CCDC171: variants seen among roughly 807,000 people sequenced by gnomAD.
The protein encoded by CCDC171 is coiled-coil domain containing 171, also known as coiled-coil domain-containing protein 171.
Under a neutral mutation model 168.2 loss-of-function variants are expected in CCDC171, and 177 were observed. The observed-to-expected ratio is 1.05, with a 90% confidence interval of 0.93 to 1.19. The LOEUF (loss-of-function observed/expected upper bound fraction) is 1.19. Among genes scored for constraint, CCDC171 ranks in the 50% most tolerant of loss-of-function variants. CCDC171 has a pLI of 0.00. For missense variants in CCDC171, 1,991 were observed against 1,539.0 expected, an observed-to-expected ratio of 1.29 and a Z score of -4.91; for synonymous variants, 687 against 540.8, an observed-to-expected ratio of 1.27 and a Z score of -3.75.
chr9:15,570,236 G>C (rs1451739257), intron 2 of CCDC171, among the ~76,000 whole-genome samples: 1 of 151,844 alleles, frequency 6.6e-6, no homozygotes, highest in African/African-American at 2.4e-5. Flanking sequence ...CTCCCAAAGT[G>C]CTTGGAGGCC....
rs139949449 is a variant in CCDC171, at chr9:15,682,977, TTA to T, written c.1215+4085_1215+4086del. 1.2e-3 allele frequency among the ~76,000 whole-genome samples: 187 copies of T among 152,128 alleles called. 1 individual carries two copies. Among genetic ancestry groups the T allele is most frequent in the African/African-American group, 4.3e-3 (179 of 41,560 alleles). Reference sequence around the variant, plus strand: ...GTCTTTTAGACATTACTGTGAGTTTTTATATCTGCTTCTCTTGAAGCAGGGGA... The same window carrying T: ...GTCTTTTAGACATTACTGTGAGTTTTTATCTGCTTCTCTTGAAGCAGGGGA... On this transcript the variant is annotated intron_variant, in intron 10 of 25. Coordinates refer to ENST00000380701, the MANE Select transcript of CCDC171 (RefSeq NM_173550.4).
the CCDC171 span, among the ~76,000 whole-genome samples, chr9:16,075,543 G>A: frequency 2.0e-5 from 3 of 152,042 alleles, no homozygotes; most frequent in Non-Finnish European, 4.4e-5. Flanking sequence ...GGTTCCTTTA[G>A]GGGCAACAGC....
chr9:15,610,958 T>G (rs2043640596), intron 6 of CCDC171, among the ~76,000 whole-genome samples: 1 of 152,160 alleles, frequency 6.6e-6, no homozygotes, highest in Admixed American at 6.5e-5. Context: ...TGCCCAAATC[T>G]CATATTGAAA....
chr9:15,729,444 G>C lies in CCDC171; in HGVS notation c.1861-166G>C, dbSNP rs536643817. Among the ~76,000 whole-genome samples the C allele has an allele frequency of 4.6e-5, 7 of 152,004 alleles. No individual in the cohort carries two copies. The East Asian group carries it at 1.4e-3, about 29-fold the overall frequency. ...CTGCTAACGTGTGGCAGTTTACACTGCTATTTTCTTTTTTTAAATTTCTTT... is the reference window on the plus strand; with the variant it reads ...CTGCTAACGTGTGGCAGTTTACACTCCTATTTTCTTTTTTTAAATTTCTTT... On this transcript the variant is annotated intron_variant, in intron 15 of 25. Coordinates refer to ENST00000380701, the MANE Select transcript of CCDC171 (RefSeq NM_173550.4).
intron 21 of CCDC171, among the ~76,000 whole-genome samples, chr9:15,822,462 A>G (rs1382219070): frequency 6.6e-6 from 1 of 152,196 alleles, no homozygotes; most frequent in African/African-American, 2.4e-5. Context: ...TCCAGAATCT[A>G]CAATGAACTC....
chr9:15,932,514 G>C (rs1242675748), intron 25 of CCDC171, among the ~76,000 whole-genome samples: 4 of 151,816 alleles, frequency 2.6e-5, no homozygotes, highest in Non-Finnish European at 5.9e-5. Context: ...TTTTGGTGCA[G>C]TTTTTGGGGT....
At chr9:16,034,978 A>G (rs1833435702) in intron 6 of CCDC171, among the ~76,000 whole-genome samples, 1 of 152,192 alleles carries the variant, frequency 6.6e-6, no homozygotes, top group African/African-American at 2.4e-5. Context: ...CACAGTTCCA[A>G]ATTGAGTCTG....
At chr9:16,083,621 G>A in the CCDC171 span, among the ~76,000 whole-genome samples, 1 of 152,132 alleles carries the variant, frequency 6.6e-6, no homozygotes, top group Admixed American at 6.5e-5. Flanking sequence ...GACGAGGGTG[G>A]AGATGGTTCT....
intron 16 of CCDC171, among the ~76,000 whole-genome samples, chr9:15,731,386 C>G (rs1462195951): frequency 6.6e-6 from 1 of 152,074 alleles, no homozygotes; most frequent in Non-Finnish European, 1.5e-5. Context: ...CATAGGCAAC[C>G]ATTGTTCTGA....
intron 3 of CCDC171, among the ~76,000 whole-genome samples, chr9:16,009,786 G>A (rs1832812905): frequency 6.6e-6 from 1 of 151,992 alleles, no homozygotes; most frequent in African/African-American, 2.4e-5. Context: ...GAAGGGAAAT[G>A]GAACTAATTT....
intron 24 of CCDC171, among the ~76,000 whole-genome samples, chr9:15,910,552 C>T (rs906066693): frequency 3.9e-5 from 6 of 151,902 alleles, no homozygotes; most frequent in African/African-American, 1.5e-4. Context: ...TATTAGGGCT[C>T]TTTTTTTAAT....
chr9:15,642,279 A>ATG (rs1245636920), intron 7 of CCDC171, among the ~76,000 whole-genome samples: 2 of 145,074 alleles, frequency 1.4e-5, no homozygotes, highest in South Asian at 4.4e-4. Flanking sequence ...ATGAACATAT[A>ATG]TGTGTGTGTG....
intron 18 of CCDC171, among the ~76,000 whole-genome samples, chr9:15,776,564 C>G (rs2057339440): frequency 6.6e-6 from 1 of 152,114 alleles, no homozygotes. Flanking sequence ...CTGGCTGCTA[C>G]ATAGATTTTA....
At chr9:16,016,191 T>C (rs1188573412) in intron 3 of CCDC171, among the ~76,000 whole-genome samples, 1 of 152,100 alleles carries the variant, frequency 6.6e-6, no homozygotes, top group Non-Finnish European at 1.5e-5. Context: ...TGCCATACTG[T>C]TTTCCACAGC....
chr9:15,608,460 C>T (rs916479475), intron 6 of CCDC171, among the ~76,000 whole-genome samples: 1 of 152,102 alleles, frequency 6.6e-6, no homozygotes, highest in African/African-American at 2.4e-5. Context: ...TCCTTTACAG[C>T]CTCTTGGTAT....
intron 21 of CCDC171, among the ~76,000 whole-genome samples, chr9:15,845,343 A>C (rs2060850547): frequency 6.6e-6 from 1 of 152,078 alleles, no homozygotes; most frequent in Non-Finnish European, 1.5e-5. Context: ...ACAATGTCTC[A>C]TAAGTAGTCA....
At chr9:16,089,181 C>G in the CCDC171 span, among the ~76,000 whole-genome samples, 1 of 151,876 alleles carries the variant, frequency 6.6e-6, no homozygotes. Context: ...AAACTGGACC[C>G]CTTCTTTACA....
intron 8 of CCDC171, among the ~76,000 whole-genome samples, chr9:15,657,645 A>G (rs756560094): frequency 2.6e-5 from 4 of 152,206 alleles, no homozygotes; most frequent in Non-Finnish European, 5.9e-5. Flanking sequence ...TCACTGTATT[A>G]AGAGCTGAAG....
At chr9:15,936,442 A>G (rs556690126) in intron 25 of CCDC171, among the ~76,000 whole-genome samples, 62 of 152,066 alleles carry the variant, frequency 4.1e-4, no homozygotes, top group African/African-American at 1.4e-3. Context: ...GAGCCAGTTC[A>G]GACCAGCTCA....
Sources: gnomAD v4.1 joint callset for allele counts (sites outside exome capture counted in the v4.1 genomes callset) on GRCh38, gnomAD v4.1.1 for gene constraint, MANE v1.5 for transcripts, NCBI Gene and HGNC (gene_info 2026-07-23, HGNC 2026-07-21) for gene names.